Variants in FRMD5 observed in about 807,000 individuals in gnomAD.
FRMD5 encodes the protein FERM domain containing 5.
FRMD5 carries 20 observed loss-of-function variants against 69.0 expected under a neutral mutation model. That is an observed-to-expected ratio of 0.29 (90% CI 0.20 to 0.42). FRMD5 has a LOEUF of 0.42. Ranked by LOEUF, FRMD5 falls within the 10% of genes least tolerant of loss-of-function variation. The pLI is 1.00. For missense variants in FRMD5, 595 were observed against 708.6 expected (o/e 0.84, Z 1.82); for synonymous variants, 271 against 260.1 (o/e 1.04, Z -0.40).
intron 2 of FRMD5, among the ~76,000 whole-genome samples, chr15:43,923,625 G>C (rs964248271): frequency 6.6e-6 from 1 of 152,326 alleles, no homozygotes; most frequent in African/African-American, 2.4e-5. Context: ...AGATGAAGCT[G>C]GAGAAATAGG....
chr15:44,070,453 T>C (rs1477521165), intron 1 of FRMD5, among the ~76,000 whole-genome samples: 3 of 152,198 alleles, frequency 2.0e-5, no homozygotes, highest in African/African-American at 7.2e-5. Flanking sequence ...AGAATGGATC[T>C]AACTAATAGT....
rs1419533917 is a variant in FRMD5, at chr15:44,145,407, G to T, written c.102+49546C>A. ...TACTATTATATTTATTTGAACAGTT[G>T]TTTCATAAATGCAGTGTTCTTGTAC... is the stretch of plus-strand genomic sequence containing the variant. On this transcript the variant is annotated intron_variant, in intron 1 of 13. Transcript: ENST00000417257. 2.0e-5 allele frequency among the ~76,000 whole-genome samples: 3 copies of T among 152,182 alleles called. No individual in the cohort carries two copies. In the East Asian group the frequency reaches 5.8e-4, roughly 29 times the overall value.
intron 1 of FRMD5, among the ~76,000 whole-genome samples, chr15:44,003,704 G>T (rs550648990): frequency 1.3e-5 from 2 of 152,108 alleles, no homozygotes; most frequent in Admixed American, 6.5e-5. Flanking sequence ...TACCGTATTT[G>T]ATACGTATAC....
At chr15:44,175,154 A>T (rs939714459) in intron 1 of FRMD5, among the ~76,000 whole-genome samples, 3 of 152,134 alleles carry the variant, frequency 2.0e-5, no homozygotes, top group Admixed American at 6.5e-5. Flanking sequence ...ATCACCTGGA[A>T]ATTCAATATT....
intron 1 of FRMD5, among the ~76,000 whole-genome samples, chr15:44,114,778 T>C (rs2076845821): frequency 6.6e-6 from 1 of 152,144 alleles, no homozygotes; most frequent in Non-Finnish European, 1.5e-5. Flanking sequence ...ATTTATATAG[T>C]AGGGGTCACA....
intron 1 of FRMD5, among the ~76,000 whole-genome samples, chr15:44,006,362 G>C (rs1279506956): frequency 6.6e-6 from 1 of 152,182 alleles, no homozygotes; most frequent in Admixed American, 6.5e-5. Context: ...CACTCTACCT[G>C]ATTACCAAAG....
At chr15:44,162,595 C>T (rs576249193) in intron 1 of FRMD5, among the ~76,000 whole-genome samples, 320 of 152,132 alleles carry the variant, frequency 2.1e-3, no homozygotes, top group Non-Finnish European at 3.9e-3. Flanking sequence ...CGGCCGGGCG[C>T]GGTGACTCAC....
At chr15:44,129,529 T>A (rs879378945) in intron 1 of FRMD5, among the ~76,000 whole-genome samples, 13 of 152,158 alleles carry the variant, frequency 8.5e-5, no homozygotes, top group Admixed American at 2.6e-4. Flanking sequence ...ACTTTTTTTT[T>A]AATTTAAAAT....
intron 1 of FRMD5, among the ~76,000 whole-genome samples, chr15:44,039,616 G>A (rs1310198840): frequency 6.6e-6 from 1 of 152,268 alleles, no homozygotes; most frequent in East Asian, 1.9e-4. Context: ...CAGACAGAAA[G>A]GAATAGTAGC....
chr15:44,156,217 C>T (rs542868946), intron 1 of FRMD5, among the ~76,000 whole-genome samples: 3 of 152,202 alleles, frequency 2.0e-5, no homozygotes, highest in Admixed American at 6.5e-5. Flanking sequence ...GATCTCGGCT[C>T]ACTGCAACCT....
intron 1 of FRMD5, among the ~76,000 whole-genome samples, chr15:44,037,298 C>T (rs1465898758): frequency 6.6e-6 from 1 of 152,082 alleles, no homozygotes; most frequent in African/African-American, 2.4e-5. Context: ...TCATCCATAT[C>T]CCTGCAAAGG....
intron 1 of FRMD5, among the ~76,000 whole-genome samples, chr15:44,095,310 CT>C (rs1332014820): frequency 6.6e-6 from 1 of 151,994 alleles, no homozygotes; most frequent in Admixed American, 6.6e-5. Flanking sequence ...TCAAGAGAGC[CT>C]CCTGCCTCAG....
At chr15:44,053,167 A>AAG (rs1892736438) in intron 1 of FRMD5, among the ~76,000 whole-genome samples, 1 of 152,190 alleles carries the variant, frequency 6.6e-6, no homozygotes, top group African/African-American at 2.4e-5. Flanking sequence ...AAACAAGGGG[A>AAG]AGGCAAAAGT....
chr15:43,990,212 T>A (rs1595594838), intron 1 of FRMD5: 1 of 447,966 alleles, frequency 2.2e-6, no homozygotes, highest in South Asian at 1.9e-5. Flanking sequence ...TGTGGACGGG[T>A]GGCAGAGAGG....
chr15:44,058,642 C>T (rs924556162), intron 1 of FRMD5, among the ~76,000 whole-genome samples: 4 of 151,940 alleles, frequency 2.6e-5, no homozygotes, highest in South Asian at 2.1e-4. Context: ...AAAAATTAGC[C>T]AGGCGTGGTG....
chr15:43,966,918 A>G (rs576784839), intron 1 of FRMD5, among the ~76,000 whole-genome samples: 1 of 152,182 alleles, frequency 6.6e-6, no homozygotes, highest in Non-Finnish European at 1.5e-5. Flanking sequence ...ACAGAGGGGC[A>G]GGAAGAACAG....
chr15:44,087,641 G>C lies in FRMD5; in HGVS notation c.102+107312C>G, dbSNP rs556666166. On this transcript the variant is annotated intron_variant, in intron 1 of 13. Transcript: ENST00000417257. ...GAACCCATCCCAAAATTGTTGTAAG[G>C]ATTAAATGAGATATACATACACATA... Among the ~76,000 whole-genome samples, 6 of 152,044 alleles carry C rather than the reference G, an allele frequency of 3.9e-5. No homozygotes were observed. The South Asian group carries it at 1.2e-3, about 32-fold the overall frequency.
At chr15:44,008,608 TA>T (rs983316438) in intron 1 of FRMD5, among the ~76,000 whole-genome samples, 2 of 152,278 alleles carry the variant, frequency 1.3e-5, no homozygotes, top group African/African-American at 4.8e-5. Context: ...TTTTTGTATG[TA>T]AAATTTTGTG....
At chr15:43,886,125 G>A (rs148311893) in intron 10 of FRMD5, among the ~76,000 whole-genome samples, 2 of 152,208 alleles carry the variant, frequency 1.3e-5, no homozygotes, top group Non-Finnish European at 2.9e-5. Flanking sequence ...GTGTGACCTC[G>A]GGCAAATTTC....
Sources: gnomAD v4.1 joint callset for allele counts (sites outside exome capture counted in the v4.1 genomes callset) on GRCh38, gnomAD v4.1.1 for gene constraint, MANE v1.5 for transcripts, NCBI Gene and HGNC (gene_info 2026-07-23, HGNC 2026-07-21) for gene names.